Variants in DEPDC1B observed in about 807,000 individuals in gnomAD.
The protein encoded by DEPDC1B is DEP domain-containing protein 1B.
Under a neutral mutation model 66.5 loss-of-function variants are expected in DEPDC1B, and 51 were observed. That is an observed-to-expected ratio of 0.77 (90% CI 0.61 to 0.97). DEPDC1B has a LOEUF of 0.97. DEPDC1B is among the 50% of genes least tolerant of loss of function. The pLI, the probability that DEPDC1B is intolerant of heterozygous loss-of-function variation, is 0.00. For missense variants in DEPDC1B, 552 were observed against 637.1 expected, an observed-to-expected ratio of 0.87 and a Z score of 1.44; for synonymous variants, 226 against 223.6, an observed-to-expected ratio of 1.01 and a Z score of -0.10.
intron 2 of DEPDC1B, among the ~76,000 whole-genome samples, chr5:60,675,806 C>G (rs1754142189): frequency 6.6e-6 from 1 of 152,168 alleles, no homozygotes; most frequent in African/African-American, 2.4e-5. Context: ...GCCTTACAAT[C>G]TATTCTGTCC....
At chr5:60,694,344 T>C (rs1185339269) in intron 1 of DEPDC1B, among the ~76,000 whole-genome samples, 2 of 152,230 alleles carry the variant, frequency 1.3e-5, no homozygotes, top group Admixed American at 6.5e-5. Flanking sequence ...TATTCTGCCA[T>C]TTTCTAACAA....
In DEPDC1B at chr5:60,668,233, T is replaced by A. The variant is rs28809894; in HGVS notation, c.314+18729A>T. Among the ~76,000 whole-genome samples, 36 of 27,100 alleles carry A rather than the reference T, an allele frequency of 1.3e-3. 5 individuals are homozygous for A. The highest frequency in any genetic ancestry group is 3.9e-3 in the South Asian group (5 of 1,272). The allele number at this position is 27,100 out of a possible 152,430, so 17.8% of individuals were successfully genotyped here. On this transcript the variant is annotated intron_variant, in intron 2 of 10. Coordinates refer to ENST00000265036, the MANE Select transcript of DEPDC1B (RefSeq NM_018369.3). ...TATATATATATATAAAATGGATATT[T>A]TATATATATATATAAAATGGATATT...
rs958694243 is a variant in DEPDC1B at position 60,644,999 on chromosome 5, G to A, written c.579-124C>T. 27 of 615,506 alleles carry A rather than the reference G, an allele frequency of 4.4e-5. No individual in the cohort carries two copies. In the East Asian group the frequency reaches 5.1e-4, roughly 12 times the overall value. The allele number at this position is 615,506 out of a possible 1,614,324, so 38.1% of individuals were successfully genotyped here. A position where few individuals can be genotyped will look rare whatever the true frequency, so the allele number is the denominator to read the frequency against. On this transcript the variant is annotated intron_variant, in intron 4 of 10. Coordinates refer to ENST00000265036, the MANE Select transcript of DEPDC1B (RefSeq NM_018369.3). ...TTCATGCATTGCACCCAATCTTTGC[G>A]GGGCAAAAAGGGTAGAAATGGAGTA...
intron 2 of DEPDC1B, among the ~76,000 whole-genome samples, chr5:60,657,787 G>A (rs955023640): frequency 2.0e-5 from 3 of 152,092 alleles, no homozygotes; most frequent in African/African-American, 4.8e-5. Flanking sequence ...ACCTTTTTGC[G>A]ATGAATTTCC....
At chr5:60,644,080 G>C (rs1322517864) in intron 5 of DEPDC1B, among the ~76,000 whole-genome samples, 1 of 152,250 alleles carries the variant, frequency 6.6e-6, no homozygotes, top group Middle Eastern at 3.4e-3. Flanking sequence ...TTGAACTAAA[G>C]GAAGAACAAA....
At chr5:60,648,560 A>C (rs1187584886) in intron 2 of DEPDC1B, among the ~76,000 whole-genome samples, 1 of 152,236 alleles carries the variant, frequency 6.6e-6, no homozygotes, top group Non-Finnish European at 1.5e-5. Context: ...CTGAAGGTTG[A>C]GGAAAACTAT....
chr5:60,676,242 T>G (rs1754157902), intron 2 of DEPDC1B, among the ~76,000 whole-genome samples: 1 of 151,984 alleles, frequency 6.6e-6, no homozygotes, highest in East Asian at 1.9e-4. Context: ...TTTTTTTTTT[T>G]TCTTCTTTAA....
chr5:60,665,468 A>C (rs1198922699), intron 2 of DEPDC1B, among the ~76,000 whole-genome samples: 1 of 152,210 alleles, frequency 6.6e-6, no homozygotes, highest in African/African-American at 2.4e-5. Context: ...GTAAAACTAC[A>C]AATCGTTCTT....
intron 5 of DEPDC1B, among the ~76,000 whole-genome samples, chr5:60,643,227 AT>A (rs2111870687): frequency 6.6e-6 from 1 of 152,332 alleles, no homozygotes; most frequent in Non-Finnish European, 1.5e-5. Context: ...CGTCAAACAC[AT>A]TTGTGAAACA....
intron 7 of DEPDC1B, among the ~76,000 whole-genome samples, chr5:60,619,181 C>T (rs909224556): frequency 6.6e-6 from 1 of 152,174 alleles, no homozygotes; most frequent in African/African-American, 2.4e-5. Context: ...CAGCCAATAT[C>T]ATACTGAATG....
At chr5:60,650,365 G>A (rs780676269) in intron 2 of DEPDC1B, among the ~76,000 whole-genome samples, 6 of 152,080 alleles carry the variant, frequency 3.9e-5, no homozygotes, top group African/African-American at 1.4e-4. Context: ...CTCAAGCTCC[G>A]CACTGTTGAC....
intron 9 of DEPDC1B, among the ~76,000 whole-genome samples, chr5:60,600,372 T>C (rs949855767): frequency 6.6e-6 from 1 of 152,146 alleles, no homozygotes; most frequent in Admixed American, 6.5e-5. Context: ...AAATAGAAGG[T>C]TGCAGATGAG....
chr5:60,654,743 GTA>G (rs941406407), intron 2 of DEPDC1B, among the ~76,000 whole-genome samples: 6 of 148,842 alleles, frequency 4.0e-5, no homozygotes, highest in African/African-American at 1.5e-4. Flanking sequence ...TCCCTGTTCA[GTA>G]TAGTGTTGGC....
chr5:60,681,376 A>G (rs1584098640), intron 2 of DEPDC1B, among the ~76,000 whole-genome samples: 1 of 152,352 alleles, frequency 6.6e-6, no homozygotes, highest in South Asian at 2.1e-4. Flanking sequence ...GCCATTGAGG[A>G]ACTCACAGAC....
rs201218269 is a variant in DEPDC1B, at chr5:60,603,522, C to T, written c.1111G>A (p.Val371Met). The T allele has an allele frequency of 9.3e-6, 15 of 1,608,856 alleles. No homozygotes were observed. The East Asian group carries it at 3.4e-4, about 36-fold the overall frequency. Residue 371 changes from valine (V) to methionine (M), a missense_variant, in exon 9 of 11, where the codon GTG becomes ATG. Coordinates refer to ENST00000265036, the MANE Select transcript of DEPDC1B (RefSeq NM_018369.3). Reference sequence around the variant, plus strand: ...GCAGCTAATAACTCATCCAAGTCCACTTCATCCTTGGAACACAAGATGCAA... The same window carrying T: ...GCAGCTAATAACTCATCCAAGTCCATTTCATCCTTGGAACACAAGATGCAA... Reference protein sequence around the residue: ...SRCILCSKDEVDLDELLAARL... With the variant: ...SRCILCSKDEMDLDELLAARL...
intron 2 of DEPDC1B, among the ~76,000 whole-genome samples, chr5:60,672,054 A>G (rs765317607): frequency 6.6e-6 from 1 of 152,222 alleles, no homozygotes; most frequent in African/African-American, 2.4e-5. Flanking sequence ...CAGTTAAGCA[A>G]TTCTGACAGA....
At chr5:60,685,175 G>A (rs1190801065) in intron 2 of DEPDC1B, among the ~76,000 whole-genome samples, 1 of 152,180 alleles carries the variant, frequency 6.6e-6, no homozygotes, top group East Asian at 1.9e-4. Context: ...ATGCTCTTTC[G>A]TGGAGCACTG....
intron 2 of DEPDC1B, among the ~76,000 whole-genome samples, chr5:60,672,711 A>G: frequency 6.6e-6 from 1 of 152,176 alleles, no homozygotes; most frequent in East Asian, 1.9e-4. Context: ...TACTTTGTAG[A>G]TGAGGTCACA....
chr5:60,698,237 G>A (rs1754699720), intron 1 of DEPDC1B, among the ~76,000 whole-genome samples: 1 of 152,210 alleles, frequency 6.6e-6, no homozygotes. Context: ...GCAAAGATGA[G>A]TGCAATGATT....
Sources: allele counts gnomAD v4.1 joint callset (sites outside exome capture counted in the v4.1 genomes callset), GRCh38; gene constraint gnomAD v4.1.1; transcripts MANE v1.5; gene names NCBI Gene and HGNC (gene_info 2026-07-23, HGNC 2026-07-21).